The following ROBO2 variants were observed in gnomAD, a reference collection of about 807,000 sequenced individuals.
ROBO2 encodes roundabout guidance receptor 2, also known as roundabout homolog 2.
In ROBO2, 53 loss-of-function variants were observed where a neutral mutation model predicts 160.8. That is an observed-to-expected ratio of 0.33 (90% confidence interval 0.26 to 0.41). The LOEUF (loss-of-function observed/expected upper bound fraction) is 0.41. Ranked by LOEUF, ROBO2 falls within the 10% of genes least tolerant of loss-of-function variation. The probability of loss-of-function intolerance (pLI) is 1.00; values close to 1 mark genes in which losing one functional copy is unlikely to be tolerated. For synonymous variants in ROBO2, 664 were observed against 611.7 expected, an observed-to-expected ratio of 1.09 and a Z score of -1.26; for missense variants, 1,577 against 1,722.4, an observed-to-expected ratio of 0.92 and a Z score of 1.49.
chr3:75,996,785 C>G (rs1342940820), intron 2 of ROBO2, among the ~76,000 whole-genome samples: 4 of 80,714 alleles, frequency 5.0e-5, no homozygotes, highest in African/African-American at 1.4e-4. Context: ...ATATGTAAAT[C>G]ATCAATTCTG....
At chr3:77,120,317 C>T (rs565224299) in intron 2 of ROBO2, among the ~76,000 whole-genome samples, 9 of 152,046 alleles carry the variant, frequency 5.9e-5, no homozygotes, top group Non-Finnish European at 1.2e-4. Context: ...CTTTGATGAC[C>T]TAAAAAGATT....
At chr3:76,256,735 A>G (rs1225882878) in intron 2 of ROBO2, among the ~76,000 whole-genome samples, 1 of 152,032 alleles carries the variant, frequency 6.6e-6, no homozygotes. Flanking sequence ...TTGCATTGCT[A>G]TAAAGAAACA....
intron 2 of ROBO2, among the ~76,000 whole-genome samples, chr3:76,629,394 G>C (rs2089884535): frequency 6.6e-6 from 1 of 151,936 alleles, no homozygotes; most frequent in African/African-American, 2.4e-5. Flanking sequence ...CACAAGATGG[G>C]GTCCCACAAT....
intron 2 of ROBO2, among the ~76,000 whole-genome samples, chr3:76,775,496 A>G (rs1407970225): frequency 6.6e-6 from 1 of 150,858 alleles, no homozygotes; most frequent in African/African-American, 2.4e-5. Flanking sequence ...TCTAAAAATT[A>G]CTTTTATCTA....
At chr3:76,878,101 G>T (rs150824757) in intron 2 of ROBO2, among the ~76,000 whole-genome samples, 4 of 152,186 alleles carry the variant, frequency 2.6e-5, no homozygotes, top group African/African-American at 9.6e-5. Context: ...ATTTGGTGTC[G>T]GAGTATGATT....
At chr3:76,131,771 T>G (rs894314983) in intron 2 of ROBO2, among the ~76,000 whole-genome samples, 2 of 152,166 alleles carry the variant, frequency 1.3e-5, no homozygotes, top group African/African-American at 4.8e-5. Context: ...TTTAGCATTC[T>G]TCTGAGCATG....
intron 2 of ROBO2, among the ~76,000 whole-genome samples, chr3:77,175,045 C>T (rs538386776): frequency 6.0e-4 from 91 of 152,152 alleles, no homozygotes; most frequent in Non-Finnish European, 1.2e-3. Context: ...ATCTTCCTAA[C>T]AGTTTCAATT....
chr3:76,267,952 C>T (rs148486467), intron 2 of ROBO2, among the ~76,000 whole-genome samples: 11,893 of 152,114 alleles, frequency 0.078, 758 homozygotes, highest in African/African-American at 0.17. Flanking sequence ...GTCCTCAGAC[C>T]GTTCTGAGAA....
At chr3:77,078,341 T>A (rs1322946895) in intron 1 of ROBO2, among the ~76,000 whole-genome samples, 1 of 152,228 alleles carries the variant, frequency 6.6e-6, no homozygotes, top group Non-Finnish European at 1.5e-5. Flanking sequence ...CCCAAACACC[T>A]GTCTAAGTAT....
chr3:76,428,635 T>A (rs910467047), intron 2 of ROBO2, among the ~76,000 whole-genome samples: 2 of 152,208 alleles, frequency 1.3e-5, no homozygotes, highest in African/African-American at 4.8e-5. Flanking sequence ...AGTGAGTTTT[T>A]TTTCTGTAAA....
chr3:77,251,138 C>G (rs759848034), intron 2 of ROBO2, among the ~76,000 whole-genome samples: 5 of 152,038 alleles, frequency 3.3e-5, no homozygotes, highest in Admixed American at 2.0e-4. Flanking sequence ...ATGAACCCAC[C>G]CCTGTGGCAA....
exon 2 of ROBO2, chr3:77,098,052 G>T (rs777291992): frequency 1.4e-5 from 23 of 1,592,230 alleles, no homozygotes; most frequent in African/African-American, 2.7e-5. Context: ...CCCGCGGATT[G>T]TGGAGCATCC....
intron 1 of ROBO2, among the ~76,000 whole-genome samples, chr3:77,073,946 A>T (rs1006493708): frequency 6.6e-6 from 1 of 152,210 alleles, no homozygotes; most frequent in Admixed American, 6.5e-5. Flanking sequence ...AAGTTTGTTA[A>T]CTAGATTACA....
chr3:76,096,388 A>T (rs1036765788), intron 2 of ROBO2, among the ~76,000 whole-genome samples: 29 of 152,196 alleles, frequency 1.9e-4, no homozygotes, highest in Admixed American at 1.9e-3. Flanking sequence ...TCCCCAGAAG[A>T]GGTATATTTT....
At chr3:77,376,447 C>T (rs964343812) in intron 2 of ROBO2, among the ~76,000 whole-genome samples, 4 of 151,912 alleles carry the variant, frequency 2.6e-5, no homozygotes, top group African/African-American at 4.8e-5. Context: ...CGTGAGCCAC[C>T]GCACCCAGCT....
chr3:76,525,255 G>A (rs2107963021), intron 2 of ROBO2, among the ~76,000 whole-genome samples: 1 of 151,944 alleles, frequency 6.6e-6, no homozygotes, highest in Admixed American at 6.6e-5. Context: ...AAAAATAATT[G>A]AAATAAATAT....
intron 2 of ROBO2, among the ~76,000 whole-genome samples, chr3:76,998,418 G>T (rs997971703): frequency 4.6e-5 from 7 of 151,878 alleles, no homozygotes; most frequent in African/African-American, 1.5e-4. Context: ...AAAGACAAAG[G>T]TCCTAGTCTC....
At chr3:76,201,879 C>A (rs1289130937) in intron 2 of ROBO2, among the ~76,000 whole-genome samples, 8 of 91,098 alleles carry the variant, frequency 8.8e-5, no homozygotes, top group African/African-American at 1.8e-4. Flanking sequence ...TGCAATACAA[C>A]GAGAAATGTC....
At chr3:76,342,893 TTGAA>T (rs1193556918) in intron 2 of ROBO2, among the ~76,000 whole-genome samples, 2 of 152,128 alleles carry the variant, frequency 1.3e-5, no homozygotes, top group Admixed American at 6.6e-5. Context: ...ACACAGTTGT[TTGAA>T]TGGCCAATTT....
Sources: allele counts gnomAD v4.1 joint callset (sites outside exome capture counted in the v4.1 genomes callset), GRCh38; gene constraint gnomAD v4.1.1; transcripts MANE v1.5; gene names NCBI Gene and HGNC (gene_info 2026-07-23, HGNC 2026-07-21).